Variants in LNX2 observed in about 807,000 individuals in gnomAD.
The protein encoded by LNX2 is ligand of numb-protein X 2.
Under a neutral mutation model 66.2 loss-of-function variants are expected in LNX2, and 35 were observed. The ratio of observed to expected loss-of-function variants is 0.53; its 90% confidence interval spans 0.40 to 0.70. The LOEUF is 0.70. Among genes scored for constraint, LNX2 ranks in the 30% least tolerant of loss-of-function variants. The probability of loss-of-function intolerance (pLI) is 0.00; values close to 1 mark genes in which losing one functional copy is unlikely to be tolerated. For missense variants in LNX2, 791 were observed against 850.8 expected (o/e 0.93, Z 0.87); for synonymous variants, 337 against 315.6 (o/e 1.07, Z -0.72).
At position 27,591,748 on chromosome 13, in the gene LNX2, T is replaced by C. The variant is rs114775072; in HGVS notation, c.-100-9945A>G. ...GAGAGGGTGGAGGATAGACAACATA[T>C]AAGAAGAAATGAAATGCAGTATTTT... On this transcript the variant is annotated intron_variant, in intron 1 of 9. Transcript: ENST00000316334. Among the ~76,000 whole-genome samples the C allele has an allele frequency of 3.2e-3, 480 of 152,142 alleles. 2 individuals are homozygous for C. Among genetic ancestry groups the C allele is most frequent in the African/African-American group, 0.011 (457 of 41,486 alleles).
At position 27,546,846 on chromosome 13, in the gene LNX2, T is replaced by C. The variant is rs1201456773; in HGVS notation, c.*1489A>G. The C allele has an allele frequency of 6.6e-6, 1 of 152,178 alleles. No homozygotes were observed. The highest frequency in any genetic ancestry group is 2.4e-5 in the African/African-American group (1 of 41,446). 9.4% of individuals were successfully genotyped at this position (152,178 alleles called of 1,614,324 possible). A position where few individuals can be genotyped will look rare whatever the true frequency, so the allele number is the denominator to read the frequency against. ...AAGATATTTTTATCTTATTCACTTA[T>C]TTATGTGTTCAGAGGATAAGTATGT... On this transcript the variant is annotated 3_prime_UTR_variant, in exon 10 of 10. Transcript: ENST00000316334.
At chr13:27,612,010 AC>A (rs1566134755) in intron 1 of LNX2, among the ~76,000 whole-genome samples, 1 of 152,220 alleles carries the variant, frequency 6.6e-6, no homozygotes, top group East Asian at 1.9e-4. Context: ...CCTGAAGGAG[AC>A]TTGAAGAGAT....
chr13:27,576,020 A>C (rs768003395), intron 2 of LNX2, among the ~76,000 whole-genome samples: 1 of 152,346 alleles, frequency 6.6e-6, no homozygotes, highest in Admixed American at 6.5e-5. Context: ...AAACATCCCA[A>C]TAAAAAGTCA....
At chr13:27,575,645 T>C (rs931535019) in intron 2 of LNX2, among the ~76,000 whole-genome samples, 5 of 152,150 alleles carry the variant, frequency 3.3e-5, no homozygotes, top group African/African-American at 4.8e-5. Flanking sequence ...CTGACTTCCC[T>C]GGGTTGCCAG....
intron 1 of LNX2, among the ~76,000 whole-genome samples, chr13:27,588,559 G>A (rs1415077792): frequency 3.9e-5 from 6 of 152,202 alleles, no homozygotes; most frequent in African/African-American, 1.2e-4. Context: ...TGTGACAACG[G>A]AAATTGTATC....
At chr13:27,618,471 C>G (rs558374468) in intron 1 of LNX2, among the ~76,000 whole-genome samples, 2 of 152,002 alleles carry the variant, frequency 1.3e-5, no homozygotes, top group Admixed American at 1.3e-4. Flanking sequence ...ACTTAGTCTC[C>G]ATATCGCCCA....
chr13:27,609,180 T>G (rs1296071762), intron 1 of LNX2, among the ~76,000 whole-genome samples: 1 of 148,438 alleles, frequency 6.7e-6, no homozygotes, highest in Non-Finnish European at 1.5e-5. Context: ...AGAGATGGAG[T>G]CTCGCTCTGT....
chr13:27,599,199 A>G (rs1195623264), intron 1 of LNX2, among the ~76,000 whole-genome samples: 1 of 152,196 alleles, frequency 6.6e-6, no homozygotes, highest in Non-Finnish European at 1.5e-5. Flanking sequence ...ACATTCATTT[A>G]TATTTGTCAT....
intron 1 of LNX2, among the ~76,000 whole-genome samples, chr13:27,619,339 G>A (rs1593270793): frequency 6.6e-6 from 1 of 151,804 alleles, no homozygotes; most frequent in South Asian, 2.1e-4. Flanking sequence ...AGGTGTGGGG[G>A]TGGGAATCAA....
At chr13:27,568,563 T>G (rs572668811) in intron 3 of LNX2, among the ~76,000 whole-genome samples, 2 of 152,260 alleles carry the variant, frequency 1.3e-5, no homozygotes, top group South Asian at 4.1e-4. Context: ...AGCCTCAGTT[T>G]TCTTGTTTAA....
rs1955027116 is a variant in LNX2, at chr13:27,553,413, T to C, written c.1573A>G (p.Ile525Val). 1.2e-6 allele frequency: 2 copies of C among 1,613,952 alleles called. No individual in the cohort carries two copies. The highest frequency in any genetic ancestry group is 2.7e-5 in the African/African-American group (2 of 74,900). The change falls in exon 8 of 10, where the codon ATT becomes GTT. Residue 525 changes from isoleucine to valine, a missense_variant. Ile to Val is a conservative substitution (Grantham distance 29, BLOSUM62 3). Coordinates refer to ENST00000316334, the MANE Select transcript of LNX2 (RefSeq NM_153371.4). The stretch of plus-strand genomic sequence containing the variant: ...CTGTGACTTAAATTGGTCAAATCAA[T>C]GCCGTTGATATTTAGCAACACATCA... ...RGDVLLNING[I>V]DLTNLSHSEA... is the part of the protein sequence containing the mutation.
At chr13:27,606,847 A>G (rs1459392278) in intron 1 of LNX2, among the ~76,000 whole-genome samples, 1 of 152,170 alleles carries the variant, frequency 6.6e-6, no homozygotes, top group East Asian at 1.9e-4. Context: ...AGAAATGAGA[A>G]AGCAGTCAAG....
intron 2 of LNX2, among the ~76,000 whole-genome samples, chr13:27,575,863 T>C (rs1955335420): frequency 6.6e-6 from 1 of 151,826 alleles, no homozygotes; most frequent in Non-Finnish European, 1.5e-5. Flanking sequence ...TTAAGAGAAA[T>C]GACACGGGAA....
intron 1 of LNX2, among the ~76,000 whole-genome samples, chr13:27,602,976 CAAT>C (rs1455797589): frequency 6.6e-6 from 1 of 152,054 alleles, no homozygotes; most frequent in East Asian, 1.9e-4. Context: ...AGAGAAATTA[CAAT>C]ATTATAAATT....
At position 27,556,102 on chromosome 13, in the gene LNX2, C is replaced by A; in HGVS notation, c.1546+134G>T. 8 of 808,904 alleles carry A rather than the reference C, an allele frequency of 9.9e-6. No individual in the cohort carries two copies. The South Asian group carries it at 1.6e-4, about 16-fold the overall frequency. The allele number at this position is 808,904 out of a possible 1,614,324, so 50.1% of individuals were successfully genotyped here. ...ACCTCATAGAATGACTTTATGCTTC[C>A]ATATGCAAGGGACAGTTTAAAGAAC... is the stretch of plus-strand genomic sequence containing the variant. On this transcript the variant is annotated intron_variant, in intron 7 of 9. Transcript: ENST00000316334.
At chr13:27,554,296 C>G (rs1955035165) in intron 7 of LNX2, among the ~76,000 whole-genome samples, 1 of 152,178 alleles carries the variant, frequency 6.6e-6, no homozygotes, top group South Asian at 2.1e-4. Flanking sequence ...ATTCAATTCA[C>G]CCATTTAAAG....
intron 1 of LNX2, among the ~76,000 whole-genome samples, chr13:27,604,741 CA>C (rs1372144229): frequency 1.3e-5 from 2 of 151,866 alleles, no homozygotes; most frequent in African/African-American, 2.4e-5. Flanking sequence ...ATCTATGGCT[CA>C]AAGGGTTGAA....
chr13:27,603,046 ACTTT>A (rs1349035958), intron 1 of LNX2, among the ~76,000 whole-genome samples: 18 of 152,166 alleles, frequency 1.2e-4, no homozygotes, highest in South Asian at 2.1e-4. Flanking sequence ...TTTAAACTAC[ACTTT>A]CATTCAGTGC....
intron 2 of LNX2, among the ~76,000 whole-genome samples, chr13:27,576,514 G>C (rs1346084020): frequency 6.6e-6 from 1 of 151,194 alleles, no homozygotes; most frequent in African/African-American, 2.4e-5. Flanking sequence ...TCAGGAGTTT[G>C]AGACAAGCCT....
Sources: allele counts gnomAD v4.1 joint callset (sites outside exome capture counted in the v4.1 genomes callset), GRCh38; gene constraint gnomAD v4.1.1; transcripts MANE v1.5; gene names NCBI Gene and HGNC (gene_info 2026-07-23, HGNC 2026-07-21).